The following HYDIN variants were observed in gnomAD, a reference collection of about 807,000 sequenced individuals.
The protein encoded by HYDIN is HYDIN axonemal central pair apparatus protein.
Under a neutral mutation model 403.9 loss-of-function variants are expected in HYDIN, and 132 were observed. The ratio of observed to expected loss-of-function variants is 0.33; its 90% CI spans 0.28 to 0.38. The LOEUF (loss-of-function observed/expected upper bound fraction) is 0.38, where lower values mean the gene tolerates loss of function less well. Ranked by LOEUF, HYDIN falls within the 10% of genes least tolerant of loss-of-function variation. The pLI, the probability that HYDIN is intolerant of heterozygous loss-of-function variation, is 1.00. For synonymous variants in HYDIN, 1,202 were observed against 1,891.7 expected, an observed-to-expected ratio of 0.64 and a Z score of 9.46; for missense variants, 2,827 against 5,009.5, an observed-to-expected ratio of 0.56 and a Z score of 13.15.
In HYDIN at chr16:71,178,939, T is replaced by C; in HGVS notation, c.370A>G (p.Asn124Asp). ...EVYEVPLILR[N>D]NDKIPRLVKV... ...GTGAACATACTCACTTTGTCATTGT[T>C]CCTCAAAATCAGTGGAACTTCATAG... Residue 124 changes from asparagine to aspartate, a missense_variant, in exon 4 of 86, where the codon AAC becomes GAC. Physicochemically the swap from Asn to Asp is conservative, Grantham distance 23. Transcript: ENST00000393567. 3 of 1,612,006 alleles carry C rather than the reference T, an allele frequency of 1.9e-6. No homozygotes were observed. Among genetic ancestry groups the C allele is most frequent in the Non-Finnish European group, 2.5e-6 (3 of 1,179,088 alleles).
chr16:70,834,499 C>T (rs2037234612), intron 78 of HYDIN, among the ~76,000 whole-genome samples: 1 of 152,054 alleles, frequency 6.6e-6, no homozygotes, highest in African/African-American at 2.4e-5. Flanking sequence ...ACAGTTAGAG[C>T]TCTGGCACTT....
intron 43 of HYDIN, among the ~76,000 whole-genome samples, chr16:70,940,366 G>A (rs897931628): frequency 4.6e-5 from 7 of 151,888 alleles, no homozygotes; most frequent in Non-Finnish European, 4.4e-5. Flanking sequence ...GATAATCACA[G>A]ATAAGAATAA....
At chr16:70,961,787 T>G (rs2078427389) in intron 38 of HYDIN, among the ~76,000 whole-genome samples, 172 bp downstream of exon 38, 1 of 152,128 alleles carries the variant, frequency 6.6e-6, no homozygotes, top group Non-Finnish European at 1.5e-5. Context: ...CAAGCTTGTA[T>G]CCTACTGTGA....
At chr16:71,149,013 TC>T (rs1336042312) in intron 7 of HYDIN, among the ~76,000 whole-genome samples, 1 of 131,556 alleles carries the variant, frequency 7.6e-6, no homozygotes, top group Non-Finnish European at 1.6e-5. Flanking sequence ...CACCTTGGCC[TC>T]CCAAAGTGCT....
At chr16:71,179,861 G>C (rs1219371132) in intron 3 of HYDIN, among the ~76,000 whole-genome samples, 2 of 152,208 alleles carry the variant, frequency 1.3e-5, no homozygotes, top group Non-Finnish European at 2.9e-5. Flanking sequence ...GGTAGTGCCA[G>C]GTTTCCCTTG....
chr16:70,852,860 C>T (rs1432602157), intron 73 of HYDIN: 1 of 152,124 alleles, frequency 6.6e-6, no homozygotes, highest in Non-Finnish European at 1.5e-5. Flanking sequence ...TATCCTTACA[C>T]ATCTATCAGA....
chr16:71,222,282 G>T (rs1183921064), intron 1 of HYDIN, among the ~76,000 whole-genome samples: 1 of 152,076 alleles, frequency 6.6e-6, no homozygotes, highest in Non-Finnish European at 1.5e-5. Context: ...AAAAAATCCA[G>T]CACCCCTTTA....
chr16:71,172,891 T>C (rs1365214569), intron 5 of HYDIN, among the ~76,000 whole-genome samples: 1 of 152,216 alleles, frequency 6.6e-6, no homozygotes, highest in Non-Finnish European at 1.5e-5. Flanking sequence ...GTGAAATGAA[T>C]GACTTTTATT....
chr16:70,992,688 C>T (rs2079397933), intron 23 of HYDIN, among the ~76,000 whole-genome samples: 1 of 151,292 alleles, frequency 6.6e-6, no homozygotes, highest in Non-Finnish European at 1.5e-5. Flanking sequence ...GAAGTGCAGG[C>T]TCGGGTTTCT....
At chr16:71,198,594 C>T (rs180683937) in intron 1 of HYDIN, among the ~76,000 whole-genome samples, 87 of 152,266 alleles carry the variant, frequency 5.7e-4, no homozygotes, top group Admixed American at 4.7e-3. Context: ...AATGCTTTAG[C>T]CCAGTGAGTC....
At chr16:71,135,180 A>C (rs1353443497) in intron 8 of HYDIN, among the ~76,000 whole-genome samples, 1 of 152,028 alleles carries the variant, frequency 6.6e-6, no homozygotes, top group African/African-American at 2.4e-5. Flanking sequence ...CCCTTGTTAC[A>C]AAGAAGTTGC....
At chr16:71,134,798 G>A (rs538714217) in intron 8 of HYDIN, among the ~76,000 whole-genome samples, 1 of 152,320 alleles carries the variant, frequency 6.6e-6, no homozygotes, top group South Asian at 2.1e-4. Flanking sequence ...TAATAGGAAA[G>A]TTGTTTGCTT....
chr16:71,149,679 G>C (rs918752044), intron 7 of HYDIN, among the ~76,000 whole-genome samples: 4 of 151,720 alleles, frequency 2.6e-5, no homozygotes, highest in Non-Finnish European at 4.4e-5. Context: ...GGCACATGCC[G>C]CCATGCCTGC....
rs72061209 is a variant in HYDIN, at chr16:71,136,766, C to CA, written c.1043+384dup. 6.0e-3 allele frequency among the ~76,000 whole-genome samples: 603 copies of CA among 101,148 alleles called. 1 individual carries two copies. The highest frequency in any genetic ancestry group is 0.011 in the Middle Eastern group (2 of 184). The allele number at this position is 101,148 out of a possible 152,430, so 66.4% of individuals were successfully genotyped here. On this transcript the variant is annotated intron_variant, in intron 8 of 85. Coordinates refer to ENST00000393567, the MANE Select transcript of HYDIN (RefSeq NM_001270974.2). The stretch of plus-strand genomic sequence containing the variant: ...CTGGCGACAGTACGAGACTCCATCT[C>CA]AAAAAAAAAAAAAACAAAAAAAACA...
In HYDIN at chr16:70,904,518, T is replaced by TTTTTTTTTTTTTTTG. The variant is rs767375464; in HGVS notation, c.8517-455_8517-454insCAAAAAAAAAAAAAA. Among the ~76,000 whole-genome samples, 353 of 37,014 alleles carry TTTTTTTTTTTTTTTG rather than the reference T, an allele frequency of 9.5e-3. 125 individuals carry two copies. The highest frequency in any genetic ancestry group is 0.015 in the Middle Eastern group (1 of 66). The allele number at this position is 37,014 out of a possible 152,430, so 24.3% of individuals were successfully genotyped here. On this transcript the variant is annotated intron_variant, in intron 50 of 85. Coordinates refer to ENST00000393567, the MANE Select transcript of HYDIN (RefSeq NM_001270974.2). ...TTTTTTTTTTTTTTTTTTTTTTTTT[T>TTTTTTTTTTTTTTTG]TGAGGGAGTTTCGTTCTTGTTGCCC...
At chr16:70,992,016 C>G in intron 24 of HYDIN, 54 bp downstream of exon 24, 5 of 1,609,600 alleles carry the variant, frequency 3.1e-6, no homozygotes, top group Non-Finnish European at 4.2e-6. Flanking sequence ...AATGTAAGTC[C>G]GTGTAAAGAA....
chr16:71,208,492 A>C (rs1598034160), intron 1 of HYDIN, among the ~76,000 whole-genome samples: 2 of 152,190 alleles, frequency 1.3e-5, no homozygotes, highest in African/African-American at 4.8e-5. Context: ...CATCACAATT[A>C]GAACTAAAGA....
Position 70,992,788 on chromosome 16 carries a change from A to G in HYDIN, c.3645-578T>C, listed in dbSNP as rs549019147. ...CACCAATGAGCTGTGCTGCCACTCA[A>G]GTTCTCTGAGCAGAGGAACCCAGGG... On this transcript the variant is annotated intron_variant, in intron 23 of 85. Transcript: ENST00000393567. Among the ~76,000 whole-genome samples the G allele has an allele frequency of 9.2e-5, 14 of 152,282 alleles. No homozygotes were observed. The East Asian group carries it at 2.5e-3, about 27-fold the overall frequency.
At chr16:71,071,221 C>A (rs2082458808) in intron 13 of HYDIN, among the ~76,000 whole-genome samples, 1 of 144,204 alleles carries the variant, frequency 6.9e-6, no homozygotes, top group African/African-American at 2.6e-5. Flanking sequence ...TCCTTAAAGC[C>A]AGAACTTTTT....
Sources: allele counts gnomAD v4.1 joint callset (sites outside exome capture counted in the v4.1 genomes callset), GRCh38; gene constraint gnomAD v4.1.1; transcripts MANE v1.5; gene names NCBI Gene and HGNC (gene_info 2026-07-23, HGNC 2026-07-21).